SEC14L1: variants seen among roughly 807,000 people sequenced by gnomAD.
SEC14L1 encodes the protein SEC14 like lipid binding 1, also known as SEC14-like protein 1.
Under a neutral mutation model 85.3 loss-of-function variants are expected in SEC14L1, and 48 were observed. That is an observed-to-expected ratio of 0.56 (90% CI 0.45 to 0.72). The LOEUF is 0.72. Ranked by LOEUF, SEC14L1 falls within the 30% of genes least tolerant of loss-of-function variation. SEC14L1 has a pLI of 0.00. For synonymous variants in SEC14L1, 391 were observed against 355.5 expected (o/e 1.10, Z -1.12); for missense variants, 682 against 921.4 (o/e 0.74, Z 3.36).
At chr17:77,192,718 A>G (rs1481878176) in intron 5 of SEC14L1, among the ~76,000 whole-genome samples, 1 of 151,240 alleles carries the variant, frequency 6.6e-6, no homozygotes, top group East Asian at 2.0e-4. Flanking sequence ...GCTGGAGTGC[A>G]GTGGAACAAT....
intron 2 of SEC14L1, chr17:77,093,226 A>G (rs1971559258): frequency 6.6e-6 from 1 of 152,204 alleles, no homozygotes; most frequent in East Asian, 1.9e-4. Flanking sequence ...GAACTGATGC[A>G]TATACTTTTC....
intron 3 of SEC14L1, among the ~76,000 whole-genome samples, chr17:77,148,266 G>A (rs1973404225): frequency 6.6e-6 from 1 of 152,118 alleles, no homozygotes; most frequent in Admixed American, 6.5e-5. Context: ...GGGAGAGAGG[G>A]AAGAACATGA....
intron 7 of SEC14L1, among the ~76,000 whole-genome samples, chr17:77,195,248 G>T (rs913671536): frequency 6.6e-6 from 1 of 151,640 alleles, no homozygotes; most frequent in African/African-American, 2.4e-5. Context: ...CTTCTGCCTC[G>T]GCCTCCCAAA....
At chr17:77,106,598 C>T (rs1333286312) in intron 3 of SEC14L1, among the ~76,000 whole-genome samples, 3 of 150,086 alleles carry the variant, frequency 2.0e-5, no homozygotes, top group African/African-American at 4.9e-5. Flanking sequence ...GTCAGGAGTT[C>T]GAGACCAGCC....
intron 3 of SEC14L1, among the ~76,000 whole-genome samples, chr17:77,100,403 TTTTC>T: frequency 6.8e-6 from 1 of 147,212 alleles, no homozygotes; most frequent in Admixed American, 7.0e-5. Context: ...CTTTTTTTTT[TTTTC>T]TTTTCTTTCT....
intron 3 of SEC14L1, among the ~76,000 whole-genome samples, chr17:77,157,801 C>T (rs1352712986): frequency 6.6e-6 from 1 of 152,180 alleles, no homozygotes; most frequent in Non-Finnish European, 1.5e-5. Flanking sequence ...ATTGGGATTA[C>T]AGGCATGAGC....
Position 77,213,834 on chromosome 17 carries a change from GC to G in SEC14L1, c.2043-82del. ...GAGAAGTGAGCAGAGAACAGGGTGG[GC>G]CACGAAGTCCAGCAGGCAGTGTGGG... On this transcript the variant is annotated intron_variant, in intron 16 of 16. Coordinates refer to ENST00000436233, the MANE Select transcript of SEC14L1 (RefSeq NM_001143998.2). The surrounding 1 kb of genome is among the most constrained non-coding windows in gnomAD (Gnocchi z 7.1). 6.5e-7 allele frequency: 1 copy of G among 1,529,392 alleles called. No homozygotes were observed. Among genetic ancestry groups the G allele is most frequent in the Non-Finnish European group, 9.0e-7 (1 of 1,105,458 alleles). The allele number at this position is 1,529,392 out of a possible 1,614,324, so 94.7% of individuals were successfully genotyped here. A position where few individuals can be genotyped will look rare whatever the true frequency, so the allele number is the denominator to read the frequency against.
intron 6 of SEC14L1, 121 bp downstream of exon 6, chr17:77,193,670 T>A: frequency 9.7e-7 from 1 of 1,029,648 alleles, no homozygotes; most frequent in Non-Finnish European, 1.4e-6. Flanking sequence ...TGGAAGATGC[T>A]ATGATCCCTA....
chr17:77,193,304 T>G, intron 5 of SEC14L1, 117 bp from the exon 6 acceptor site: 2 of 947,240 alleles, frequency 2.1e-6, no homozygotes, highest in Non-Finnish European at 3.0e-6. Flanking sequence ...GTCTTTATGG[T>G]AGTAGCATTG....
intron 3 of SEC14L1, among the ~76,000 whole-genome samples, chr17:77,125,688 A>G (rs1598257783): frequency 6.6e-6 from 1 of 152,136 alleles, no homozygotes; most frequent in Non-Finnish European, 1.5e-5. Flanking sequence ...ACAGGCACCT[A>G]CCTCTGCTAG....
chr17:77,133,129 TC>T (rs897607622), intron 3 of SEC14L1, among the ~76,000 whole-genome samples: 91 of 152,260 alleles, frequency 6.0e-4, no homozygotes, highest in African/African-American at 2.0e-3. Context: ...TGCCTCACCC[TC>T]CCAAAGTGTT....
Position 77,215,934 on chromosome 17 carries a change from A to G in SEC14L1, c.*1911A>G. 1 of 966,624 alleles carries G rather than the reference A, an allele frequency of 1.0e-6. No homozygotes were observed. The highest frequency in any genetic ancestry group is 4.9e-5 in the South Asian group (1 of 20,226). The allele number at this position is 966,624 out of a possible 1,614,324, so 59.9% of individuals were successfully genotyped here. Reference sequence around the variant, plus strand: ...GGTAGGGTTAGTAGGTAGGGTTCGTAGGTAGGGTTCGTAGGTAGGGTTAGG... The same window carrying G: ...GGTAGGGTTAGTAGGTAGGGTTCGTGGGTAGGGTTCGTAGGTAGGGTTAGG... On this transcript the variant is annotated 3_prime_UTR_variant, in exon 17 of 17. Coordinates refer to ENST00000436233, the MANE Select transcript of SEC14L1 (RefSeq NM_001143998.2).
intron 3 of SEC14L1, among the ~76,000 whole-genome samples, chr17:77,118,117 C>A (rs530034469): frequency 6.6e-6 from 1 of 152,370 alleles, no homozygotes; most frequent in East Asian, 1.9e-4. Flanking sequence ...GCTGTTCATG[C>A]CAGTGTCCCA....
At chr17:77,130,792 G>A (rs2143444795) in intron 3 of SEC14L1, among the ~76,000 whole-genome samples, 1 of 152,202 alleles carries the variant, frequency 6.6e-6, no homozygotes, top group African/African-American at 2.4e-5. Context: ...TTTTTGTAAA[G>A]ACAGGGTCTT....
rs778568200 is a variant in SEC14L1, at chr17:77,194,660, T to A, written c.475-17T>A. The stretch of plus-strand genomic sequence containing the variant: ...TGTTGAATATATACTCACCTTTAAA[T>A]TGGTTTTGTTTTAAAGGGAAAGGAA... On this transcript the variant is annotated splice_polypyrimidine_tract_variant and intron_variant, in intron 6 of 16. Transcript: ENST00000436233. 1 of 1,581,982 alleles carries A rather than the reference T, an allele frequency of 6.3e-7. No individual in the cohort carries two copies. The highest frequency in any genetic ancestry group is 2.2e-5 in the East Asian group (1 of 44,738).
chr17:77,107,647 C>T (rs922731979), intron 3 of SEC14L1, among the ~76,000 whole-genome samples: 1 of 152,046 alleles, frequency 6.6e-6, no homozygotes, highest in Non-Finnish European at 1.5e-5. Flanking sequence ...CAGAATAAAC[C>T]GCAACCTCCT....
chr17:77,146,101 G>A (rs1973290551), intron 3 of SEC14L1, among the ~76,000 whole-genome samples: 1 of 152,212 alleles, frequency 6.6e-6, no homozygotes, highest in South Asian at 2.1e-4. Context: ...CTGGGTTTGA[G>A]GATATTGGCT....
At chr17:77,088,707 C>T (rs1971430721), upstream of SEC14L1, 2 of 152,224 alleles carry the variant, frequency 1.3e-5, no homozygotes, top group South Asian at 2.1e-4. Context: ...GTGCTTTGGC[C>T]TGTTGGAGGG....
chr17:77,133,799 C>T (rs1472684154), intron 3 of SEC14L1, among the ~76,000 whole-genome samples: 4 of 151,746 alleles, frequency 2.6e-5, no homozygotes, highest in South Asian at 4.2e-4. Context: ...ATTAGCTGGG[C>T]GTGGTGGCAA....
Sources: allele counts gnomAD v4.1 joint callset (sites outside exome capture counted in the v4.1 genomes callset), GRCh38; gene constraint gnomAD v4.1.1; non-coding constraint Gnocchi (gnomAD v3.1); transcripts MANE v1.5; gene names NCBI Gene and HGNC (gene_info 2026-07-23, HGNC 2026-07-21).